Variants in PDE8B observed in about 807,000 individuals in gnomAD.
The protein encoded by PDE8B is phosphodiesterase 8B.
Under a neutral mutation model 101.3 loss-of-function variants are expected in PDE8B, and 26 were observed. The ratio of observed to expected loss-of-function variants is 0.26; its 90% confidence interval spans 0.19 to 0.36. PDE8B has a LOEUF of 0.36. Ranked by LOEUF, PDE8B falls within the 10% of genes least tolerant of loss-of-function variation. The pLI, the probability that PDE8B is intolerant of heterozygous loss-of-function variation, is 1.00. For missense variants in PDE8B, 810 were observed against 1,163.1 expected (o/e 0.70, Z 4.42); for synonymous variants, 424 against 429.3 (o/e 0.99, Z 0.15).
chr5:77,368,419 CTGTTACTCCTGGCTCCTGATCCCCAGG>C (rs1784507739), intron 10 of PDE8B, among the ~76,000 whole-genome samples: 1 of 152,218 alleles, frequency 6.6e-6, no homozygotes, highest in Non-Finnish European at 1.5e-5. Context: ...TTCTTACACC[CTGTTACTCCTGGCTCCTGATCCCCAGG>C]TATACTGCAT....
At chr5:77,181,353 C>G in the PDE8B span, among the ~76,000 whole-genome samples, 1 of 152,116 alleles carries the variant, frequency 6.6e-6, no homozygotes. Context: ...GGCGGCGCTG[C>G]CACTCTGAAC....
intron 20 of PDE8B, among the ~76,000 whole-genome samples, chr5:77,425,533 A>G (rs182893136): frequency 7.2e-5 from 11 of 152,252 alleles, no homozygotes; most frequent in Middle Eastern, 3.4e-3. Flanking sequence ...AGCTTGGGCA[A>G]CAGAGTGAGA....
chr5:77,307,207 G>C (rs902482121), intron 1 of PDE8B, among the ~76,000 whole-genome samples: 2 of 151,938 alleles, frequency 1.3e-5, no homozygotes, highest in African/African-American at 4.8e-5. Context: ...TCGCTTTCCT[G>C]CCTCCATGCC....
chr5:77,421,600 G>T (rs1796653466), intron 19 of PDE8B, among the ~76,000 whole-genome samples: 1 of 151,990 alleles, frequency 6.6e-6, no homozygotes, highest in Non-Finnish European at 1.5e-5. Flanking sequence ...CTCTGTGTGT[G>T]TGTGTATTGC....
the PDE8B span, among the ~76,000 whole-genome samples, chr5:77,185,747 A>G: frequency 6.6e-6 from 1 of 151,898 alleles, no homozygotes; most frequent in Non-Finnish European, 1.5e-5. Context: ...CCATTTCCTA[A>G]CCCAAAACTG....
chr5:77,191,760 G>A, the PDE8B span, among the ~76,000 whole-genome samples: 1 of 152,142 alleles, frequency 6.6e-6, no homozygotes, highest in Non-Finnish European at 1.5e-5. Flanking sequence ...GTTTCGGGTT[G>A]ATTCAAGCAC....
chr5:77,268,311 C>A (rs184544624), intron 1 of PDE8B, among the ~76,000 whole-genome samples: 1 of 152,072 alleles, frequency 6.6e-6, no homozygotes, highest in Non-Finnish European at 1.5e-5. Flanking sequence ...ATAATAATCA[C>A]ATCGGGGTAA....
chr5:77,284,968 T>C (rs1765710137), intron 1 of PDE8B, among the ~76,000 whole-genome samples: 1 of 152,186 alleles, frequency 6.6e-6, no homozygotes, highest in Non-Finnish European at 1.5e-5. Flanking sequence ...ACATTCCTAT[T>C]GGGTATTTAC....
chr5:77,174,248 C>T, the PDE8B span, among the ~76,000 whole-genome samples: 1 of 152,180 alleles, frequency 6.6e-6, no homozygotes. Flanking sequence ...AAACTTCTCC[C>T]TCTCAGTGTT....
At chr5:77,367,143 T>G (rs1444617251) in intron 10 of PDE8B, among the ~76,000 whole-genome samples, 2 of 148,454 alleles carry the variant, frequency 1.3e-5, no homozygotes, top group East Asian at 3.9e-4. Context: ...GCTAAAACAT[T>G]GTTTTCTCAA....
At chr5:77,240,230 T>A (rs1755482390) in intron 1 of PDE8B, among the ~76,000 whole-genome samples, 1 of 152,184 alleles carries the variant, frequency 6.6e-6, no homozygotes, top group Non-Finnish European at 1.5e-5. Flanking sequence ...CCCGGCTCAC[T>A]GCAAGCTCCG....
At chr5:77,093,832 C>T in the PDE8B span, among the ~76,000 whole-genome samples, 2 of 152,184 alleles carry the variant, frequency 1.3e-5, no homozygotes, top group African/African-American at 4.8e-5. Flanking sequence ...TCTGATCTCT[C>T]GGTGTCATGA....
the PDE8B span, among the ~76,000 whole-genome samples, chr5:77,120,748 C>T: frequency 1.3e-5 from 2 of 152,222 alleles, no homozygotes; most frequent in Admixed American, 6.5e-5. Flanking sequence ...AACTGTTGTA[C>T]AAGCCTGTCA....
intron 9 of PDE8B, among the ~76,000 whole-genome samples, chr5:77,353,056 A>G (rs1408951022): frequency 2.0e-5 from 3 of 152,258 alleles, no homozygotes; most frequent in African/African-American, 7.2e-5. Context: ...TATCCTATCA[A>G]CTGAAGATAT....
At chr5:77,294,544 TAAAAGTTACAA>T (rs1373731385) in intron 1 of PDE8B, among the ~76,000 whole-genome samples, 1 of 151,516 alleles carries the variant, frequency 6.6e-6, no homozygotes, top group Non-Finnish European at 1.5e-5. Context: ...AGAAAATGAT[TAAAAGTTACAA>T]AAGAACAGGA....
intron 1 of PDE8B, among the ~76,000 whole-genome samples, chr5:77,235,986 C>T (rs551262666): frequency 6.6e-6 from 1 of 152,156 alleles, no homozygotes; most frequent in Non-Finnish European, 1.5e-5. Context: ...TAAGGTCACA[C>T]CACCAGGAAG....
the PDE8B span, among the ~76,000 whole-genome samples, chr5:77,125,522 C>T: frequency 7.9e-5 from 12 of 152,120 alleles, no homozygotes; most frequent in South Asian, 2.1e-4. Flanking sequence ...CCAACGTCCA[C>T]GGAAGTGTTA....
chr5:77,157,912 C>T, the PDE8B span, among the ~76,000 whole-genome samples: 2 of 152,324 alleles, frequency 1.3e-5, 1 homozygote, highest in East Asian at 3.9e-4. Context: ...ACTGACTGCC[C>T]CTCCTCCATC....
At chr5:77,391,608 T>G (rs1448540352) in intron 10 of PDE8B, among the ~76,000 whole-genome samples, 1 of 152,180 alleles carries the variant, frequency 6.6e-6, no homozygotes. Flanking sequence ...GGCATACATT[T>G]CCATCCCCAA....
Sources: gnomAD v4.1 joint callset for allele counts (sites outside exome capture counted in the v4.1 genomes callset) on GRCh38, gnomAD v4.1.1 for gene constraint, MANE v1.5 for transcripts, NCBI Gene and HGNC (gene_info 2026-07-23, HGNC 2026-07-21) for gene names.